The following OPCML variants were observed in gnomAD, a reference collection of about 807,000 sequenced individuals.
OPCML encodes opioid binding protein/cell adhesion molecule like.
Under a neutral mutation model 37.8 loss-of-function variants are expected in OPCML, and 13 were observed. The ratio of observed to expected loss-of-function variants is 0.34; its 90% CI spans 0.22 to 0.55. OPCML has a LOEUF of 0.55. Ranked by LOEUF, OPCML falls within the 20% of genes least tolerant of loss-of-function variation. The pLI is 0.91. For synonymous variants in OPCML, 176 were observed against 168.8 expected (o/e 1.04, Z -0.33); for missense variants, 341 against 435.6 (o/e 0.78, Z 1.93).
At chr11:133,468,158 T>C (rs929104433) in intron 1 of OPCML, among the ~76,000 whole-genome samples, 1 of 152,250 alleles carries the variant, frequency 6.6e-6, no homozygotes, top group African/African-American at 2.4e-5. Context: ...AAGGGGTTTT[T>C]CCTTGCCTTT....
At chr11:133,068,400 C>G (rs1948473023) in intron 1 of OPCML, among the ~76,000 whole-genome samples, 1 of 152,168 alleles carries the variant, frequency 6.6e-6, no homozygotes, top group Admixed American at 6.5e-5. Context: ...GGTCTATGCC[C>G]AAATGGTAAA....
At chr11:133,006,612 A>C (rs1506875) in intron 1 of OPCML, 1 of 985,130 alleles carries the variant, frequency 1.0e-6, no homozygotes, top group Non-Finnish European at 1.2e-6. Flanking sequence ...ACCATGCCCC[A>C]CTGGCCAGAA....
chr11:133,394,342 A>G (rs1353181644), intron 1 of OPCML, among the ~76,000 whole-genome samples: 2 of 152,224 alleles, frequency 1.3e-5, no homozygotes, highest in African/African-American at 4.8e-5. Flanking sequence ...CAGGCAATGT[A>G]TAATTATCAC....
chr11:132,880,940 CCCAGCCCCTTGCCTCTTTTGG>C (rs1306723766), intron 2 of OPCML, among the ~76,000 whole-genome samples: 1 of 152,194 alleles, frequency 6.6e-6, no homozygotes. Context: ...CACTTCCATT[CCCAGCCCCTTGCCTCTTTTGG>C]CCAGACTAAT....
At chr11:132,537,792 C>T (rs980568941) in intron 3 of OPCML, among the ~76,000 whole-genome samples, 2 of 152,068 alleles carry the variant, frequency 1.3e-5, no homozygotes, top group Admixed American at 6.6e-5. Flanking sequence ...ATATACTAAT[C>T]GCCAATAAGC....
intron 2 of OPCML, among the ~76,000 whole-genome samples, chr11:132,669,847 A>G (rs1942384129): frequency 6.6e-6 from 1 of 152,168 alleles, no homozygotes; most frequent in African/African-American, 2.4e-5. Flanking sequence ...AGTTCCACGT[A>G]AAGTTGTAAA....
chr11:132,928,615 A>G (rs1322673780), intron 2 of OPCML, among the ~76,000 whole-genome samples: 2 of 152,088 alleles, frequency 1.3e-5, no homozygotes, highest in Non-Finnish European at 2.9e-5. Context: ...CTACAGACCA[A>G]TTAGACGTAA....
At chr11:133,081,786 A>G in intron 1 of OPCML, among the ~76,000 whole-genome samples, 1 of 152,028 alleles carries the variant, frequency 6.6e-6, no homozygotes, top group Non-Finnish European at 1.5e-5. Context: ...GCCACAGTAA[A>G]CATCCAGCCC....
At chr11:133,487,402 A>G (rs1333792985) in intron 1 of OPCML, among the ~76,000 whole-genome samples, 26 of 152,114 alleles carry the variant, frequency 1.7e-4, no homozygotes, top group Admixed American at 1.7e-3. Context: ...CTCTTCTCTC[A>G]AATTTGTCCT....
intron 3 of OPCML, among the ~76,000 whole-genome samples, chr11:132,546,860 G>A (rs147134784): frequency 8.1e-4 from 123 of 152,304 alleles, no homozygotes; most frequent in African/African-American, 2.8e-3. Flanking sequence ...ACTGCACATT[G>A]CATATTTCCG....
At chr11:133,154,204 G>A (rs1950025025) in intron 1 of OPCML, among the ~76,000 whole-genome samples, 2 of 142,968 alleles carry the variant, frequency 1.4e-5, no homozygotes, top group Non-Finnish European at 3.0e-5. Flanking sequence ...GCACGAATGT[G>A]CTCATGCTTC....
intron 1 of OPCML, among the ~76,000 whole-genome samples, chr11:133,295,546 A>C (rs1452998433): frequency 6.6e-6 from 1 of 152,248 alleles, no homozygotes; most frequent in Non-Finnish European, 1.5e-5. Flanking sequence ...TTCAGGGAAA[A>C]ACAATGCATT....
intron 1 of OPCML, among the ~76,000 whole-genome samples, chr11:133,493,257 G>T (rs12284182): frequency 6.6e-6 from 1 of 152,146 alleles, no homozygotes; most frequent in Non-Finnish European, 1.5e-5. Flanking sequence ...AGCCTTGCAC[G>T]CCGGGCAGGC....
intron 1 of OPCML, among the ~76,000 whole-genome samples, chr11:133,062,944 C>T (rs1430316909): frequency 6.6e-6 from 1 of 152,258 alleles, no homozygotes; most frequent in Non-Finnish European, 1.5e-5. Flanking sequence ...TCTGAGGTAC[C>T]TCTGCAAGAC....
chr11:133,008,522 G>T, intron 1 of OPCML: 2 of 770,998 alleles, frequency 2.6e-6, no homozygotes, highest in East Asian at 1.3e-4. Context: ...AATATTCGCT[G>T]TGGAAGGCTC....
At chr11:133,214,807 C>T (rs1423222549) in intron 1 of OPCML, among the ~76,000 whole-genome samples, 1 of 152,108 alleles carries the variant, frequency 6.6e-6, no homozygotes, top group Non-Finnish European at 1.5e-5. Flanking sequence ...TGTAAAGTGG[C>T]TTTCAGATGT....
rs71905540 is a variant in OPCML at position 132,638,163 on chromosome 11, C to CTA, written c.379+18922_379+18923dup. ...GAAAGCTAAAGAGCATATATACAGA[C>CTA]TATATATATATATATATATATATAC... On this transcript the variant is annotated intron_variant, in intron 3 of 7. Transcript: ENST00000524381. Among the ~76,000 whole-genome samples, 79 of 128,242 alleles carry CTA rather than the reference C, an allele frequency of 6.2e-4. 3 individuals carry two copies. The South Asian group carries it at 0.019, about 30-fold the overall frequency. 84.1% of individuals were successfully genotyped at this position (128,242 alleles called of 152,430 possible). A position where few individuals can be genotyped will look rare whatever the true frequency, so the allele number is the denominator to read the frequency against.
intron 2 of OPCML, among the ~76,000 whole-genome samples, chr11:132,794,615 A>G (rs1385091728): frequency 6.6e-6 from 1 of 152,020 alleles, no homozygotes; most frequent in African/African-American, 2.4e-5. Flanking sequence ...CTGTGAAGGA[A>G]CTTTGTGTAC....
At chr11:133,384,802 T>C (rs568253603) in intron 1 of OPCML, among the ~76,000 whole-genome samples, 54 of 152,194 alleles carry the variant, frequency 3.5e-4, no homozygotes, top group Admixed American at 5.9e-4. Context: ...GAAGTGGACA[T>C]GTGACCTCCT....
Sources: gnomAD v4.1 joint callset for allele counts (sites outside exome capture counted in the v4.1 genomes callset) on GRCh38, gnomAD v4.1.1 for gene constraint, MANE v1.5 for transcripts, NCBI Gene and HGNC (gene_info 2026-07-23, HGNC 2026-07-21) for gene names.